The following TFG variants were observed in gnomAD, a reference collection of about 807,000 sequenced individuals.
TFG encodes trafficking from ER to golgi regulator, also known as protein TFG.
In TFG, 22 loss-of-function variants were observed where a neutral mutation model predicts 51.4. The observed-to-expected ratio is 0.43, with a 90% CI of 0.31 to 0.61. The LOEUF (loss-of-function observed/expected upper bound fraction) is 0.61. Ranked by LOEUF, TFG falls within the 20% of genes least tolerant of loss-of-function variation. The pLI is 0.12. For synonymous variants in TFG, 187 were observed against 165.6 expected (o/e 1.13, Z -0.99); for missense variants, 419 against 487.7 (o/e 0.86, Z 1.33).
At chr3:100,726,010 G>T (rs9853496) in intron 3 of TFG, among the ~76,000 whole-genome samples, 3 of 152,118 alleles carry the variant, frequency 2.0e-5, no homozygotes, top group Admixed American at 6.5e-5. Context: ...GGCGAAGTCC[G>T]GTGATAGGCC....
In TFG at chr3:100,736,642, C is replaced by T. The variant is rs1272228197; in HGVS notation, c.647C>T (p.Ala216Val). 6.2e-7 allele frequency: 1 copy of T among 1,613,994 alleles called. No homozygotes were observed. Among genetic ancestry groups the T allele is most frequent in the East Asian group, 2.2e-5 (1 of 44,882 alleles). The part of the protein sequence containing the change: ...TPDSIASSSS[A>V]AHPPGVQPQQ... ...GACAGCATTGCTTCCTCCTCCTCAG[C>T]AGCTCACCCACCAGGCGTTCAGCCA... The change falls in exon 6 of 8, where the codon GCA (alanine) becomes GTA (valine). Residue 216 changes from alanine to valine, a missense_variant. Transcript: ENST00000240851.
intron 5 of TFG, among the ~76,000 whole-genome samples, chr3:100,733,467 C>T (rs1033705583): frequency 6.6e-6 from 1 of 152,156 alleles, no homozygotes. Context: ...ATTTTACATT[C>T]ATTAAGTCTA....
Position 100,748,467 on chromosome 3 carries a change from C to T in TFG, c.1139C>T (p.Pro380Leu). ...TMTPPPSGPN[P>L]YARNRPPFGQ... ...ACCCCTCCTCCAAGTGGGCCTAATC[C>T]TTATGCGCGTAACCGTCCTCCCTTT... The change falls in exon 8 of 8, where the codon CCT becomes CTT. Residue 380 changes from proline (P) to leucine (L), a missense_variant. This residue lies in a region of TFG where 391 missense variants were observed against 434.4 expected (regional missense o/e 0.90). Transcript: ENST00000240851. 1 of 1,614,080 alleles carries T rather than the reference C, an allele frequency of 6.2e-7. No homozygotes were observed. The highest frequency in any genetic ancestry group is 8.5e-7 in the Non-Finnish European group (1 of 1,180,000).
chr3:100,723,780 C>G (rs2095067268), intron 3 of TFG, among the ~76,000 whole-genome samples: 1 of 151,114 alleles, frequency 6.6e-6, no homozygotes, highest in African/African-American at 2.4e-5. Context: ...ATAAATCAAG[C>G]AGGCTCAAAC....
chr3:100,747,171 C>CT (rs1292718319), intron 7 of TFG, among the ~76,000 whole-genome samples: 1 of 152,116 alleles, frequency 6.6e-6, no homozygotes, highest in Non-Finnish European at 1.5e-5. Flanking sequence ...TGCTTGGAGA[C>CT]TAAGAGGTGG....
chr3:100,743,227 A>T lies in TFG; in HGVS notation c.722-1606A>T, dbSNP rs547917993. On this transcript the variant is annotated intron_variant, in intron 6 of 7. Transcript: ENST00000240851. Reference sequence around the variant, plus strand: ...AGATAAGGAATACTAATATGGTTGAATTTTTTTAAATGTGTTTATTGCCTG... The same window carrying T: ...AGATAAGGAATACTAATATGGTTGATTTTTTTTAAATGTGTTTATTGCCTG... 7 of 152,178 alleles carry T rather than the reference A, an allele frequency of 4.6e-5. No homozygotes were observed. The East Asian group carries it at 1.2e-3, about 25-fold the overall frequency. 9.4% of individuals were successfully genotyped at this position (152,178 alleles called of 1,614,324 possible). A position where few individuals can be genotyped will look rare whatever the true frequency, so the allele number is the denominator to read the frequency against.
chr3:100,728,771 A>C lies in TFG; in HGVS notation c.328A>C (p.Ile110Leu), dbSNP rs1164319239. 1 of 1,613,524 alleles carries C rather than the reference A, an allele frequency of 6.2e-7. No homozygotes were observed. Among genetic ancestry groups the C allele is most frequent in the Admixed American group, 1.7e-5 (1 of 59,932 alleles). Residue 110 changes from isoleucine (I) to leucine (L), a missense_variant, in exon 4 of 8, where the codon ATA (isoleucine) becomes CTA (leucine). Around this residue, in one of 3 missense-constraint regions of TFG, gnomAD observed 391 missense variants for 434.4 expected, o/e 0.90. Transcript: ENST00000240851. ...GGTGAAATATCTCCGTCGAGAACTGATAGAACTTCGAAATAAAGTGAATCG... is the reference window on the plus strand; with the variant it reads ...GGTGAAATATCTCCGTCGAGAACTGCTAGAACTTCGAAATAAAGTGAATCG... The part of the protein sequence containing the change: ...SQVKYLRREL[I>L]ELRNKVNRLL...
At position 100,720,208 on chromosome 3, in the gene TFG, T is replaced by C. The variant is rs1484320483; in HGVS notation, c.268+150T>C. The C allele has an allele frequency of 1.1e-5, 6 of 524,018 alleles. No homozygotes were observed. The East Asian group carries it at 2.0e-4, about 18-fold the overall frequency. The allele number at this position is 524,018 out of a possible 1,614,324, so 32.5% of individuals were successfully genotyped here. On this transcript the variant is annotated intron_variant, in intron 3 of 7. Coordinates refer to ENST00000240851, the MANE Select transcript of TFG (RefSeq NM_006070.6). Reference sequence around the variant, plus strand: ...GTTCAGGTAGTTGTTTTAGATTACTTGAAGCTTATGGCTGTGTATGTTTTT... The same window carrying C: ...GTTCAGGTAGTTGTTTTAGATTACTCGAAGCTTATGGCTGTGTATGTTTTT...
intron 6 of TFG, among the ~76,000 whole-genome samples, chr3:100,737,369 T>C (rs975759130): frequency 6.6e-6 from 1 of 152,220 alleles, no homozygotes; most frequent in African/African-American, 2.4e-5. Flanking sequence ...GAATGAAATA[T>C]AACCTGAAAG....
chr3:100,728,918 A>C, intron 4 of TFG, 60 bp downstream of exon 4: 1 of 1,432,506 alleles, frequency 7.0e-7, no homozygotes, highest in Non-Finnish European at 9.3e-7. Context: ...GGAGGTTTTA[A>C]AAAACTCTTT....
Position 100,732,688 on chromosome 3 carries a change from A to C in TFG, c.580+16A>C. 6.3e-7 allele frequency: 1 copy of C among 1,576,696 alleles called. No homozygotes were observed. Among genetic ancestry groups the C allele is most frequent in the Non-Finnish European group, 8.6e-7 (1 of 1,161,654 alleles). On this transcript the variant is annotated intron_variant, in intron 5 of 7. Transcript: ENST00000240851. ...CAGGTTTCAGGTAAGTTGGTTTCCA[A>C]CTCCTTTACACCCTTCGTTTCCTTC...
At chr3:100,720,290 G>C (rs929771140) in intron 3 of TFG, among the ~76,000 whole-genome samples, 1 of 151,674 alleles carries the variant, frequency 6.6e-6, no homozygotes, top group Non-Finnish European at 1.5e-5. Flanking sequence ...TGTTTTTTTT[G>C]AAATCAGGTA....
chr3:100,725,265 C>T (rs2095072014), intron 3 of TFG, among the ~76,000 whole-genome samples: 1 of 151,850 alleles, frequency 6.6e-6, no homozygotes, highest in Non-Finnish European at 1.5e-5. Context: ...CTGCTGTATG[C>T]CTAATATAAA....
intron 5 of TFG, among the ~76,000 whole-genome samples, chr3:100,733,240 C>T (rs1297620755): frequency 1.3e-5 from 2 of 152,052 alleles, no homozygotes; most frequent in Non-Finnish European, 2.9e-5. Context: ...ATAACACATA[C>T]ATTGGAGAGC....
intron 3 of TFG, among the ~76,000 whole-genome samples, chr3:100,728,457 C>T (rs907534011): frequency 2.0e-5 from 3 of 151,516 alleles, no homozygotes; most frequent in Admixed American, 2.0e-4. Context: ...CTCGGATTTT[C>T]CTACCAAACC....
chr3:100,741,915 C>A (rs1332396852), intron 6 of TFG, among the ~76,000 whole-genome samples: 2 of 152,078 alleles, frequency 1.3e-5, no homozygotes, highest in Non-Finnish European at 2.9e-5. Context: ...ATGTAGTAGG[C>A]TATATACATC....
Position 100,748,592 on chromosome 3 carries a change from T to A in TFG, c.*61T>A. ...CTATTGGCCTCCCAAAAGACTCCAG[T>A]ACTATTTTAATTTGTATTGAAGAAG... On this transcript the variant is annotated 3_prime_UTR_variant, in exon 8 of 8. Coordinates refer to ENST00000240851, the MANE Select transcript of TFG (RefSeq NM_006070.6). 1 of 1,485,158 alleles carries A rather than the reference T, an allele frequency of 6.7e-7. No homozygotes were observed. The highest frequency in any genetic ancestry group is 9.0e-7 in the Non-Finnish European group (1 of 1,109,110). 92.0% of individuals were successfully genotyped at this position (1,485,158 alleles called of 1,614,324 possible). A position where few individuals can be genotyped will look rare whatever the true frequency, so the allele number is the denominator to read the frequency against.
At chr3:100,715,217 A>G (rs1457851455) in intron 2 of TFG, among the ~76,000 whole-genome samples, 1 of 152,246 alleles carries the variant, frequency 6.6e-6, no homozygotes, top group African/African-American at 2.4e-5. Flanking sequence ...GTGGTTTAAT[A>G]GTTGAGAAAT....
chr3:100,732,129 T>G (rs951115824), intron 4 of TFG, among the ~76,000 whole-genome samples: 9 of 152,144 alleles, frequency 5.9e-5, no homozygotes, highest in Non-Finnish European at 1.3e-4. Flanking sequence ...CCTATAATTA[T>G]TATTTCCAGA....
Sources: gnomAD v4.1 joint callset for allele counts (sites outside exome capture counted in the v4.1 genomes callset) on GRCh38, gnomAD v4.1.1 for gene constraint, gnomAD v4.1.1 regional missense constraint, MANE v1.5 for transcripts, NCBI Gene and HGNC (gene_info 2026-07-23, HGNC 2026-07-21) for gene names.